The following HECW1 variants were observed in gnomAD, a reference collection of about 807,000 sequenced individuals.
HECW1 encodes HECT, C2 and WW domain containing E3 ubiquitin protein ligase 1.
A neutral mutation model predicts 182.3 loss-of-function variants in HECW1; 61 were observed. That is an observed-to-expected ratio of 0.33 (90% CI 0.27 to 0.41). The LOEUF is 0.41. Among genes scored for constraint, HECW1 ranks in the 10% least tolerant of loss-of-function variants. The pLI, the probability that HECW1 is intolerant of heterozygous loss-of-function variation, is 1.00. For missense variants in HECW1, 1,739 were observed against 2,108.9 expected, an observed-to-expected ratio of 0.82 and a Z score of 3.44; for synonymous variants, 859 against 832.6, an observed-to-expected ratio of 1.03 and a Z score of -0.55.
chr7:43,204,623 G>A (rs891295093), intron 2 of HECW1, among the ~76,000 whole-genome samples: 4 of 152,082 alleles, frequency 2.6e-5, no homozygotes, highest in Non-Finnish European at 4.4e-5. Context: ...GAGACAAGAC[G>A]GATTCTAGTC....
chr7:43,259,387 CA>C (rs36088559), intron 3 of HECW1, among the ~76,000 whole-genome samples: 27 of 137,456 alleles, frequency 2.0e-4, no homozygotes, highest in East Asian at 8.7e-4. Flanking sequence ...ACTCCATGTC[CA>C]AAAAAAAAAA....
intron 2 of HECW1, among the ~76,000 whole-genome samples, chr7:43,171,585 C>T (rs1323429683): frequency 6.6e-6 from 1 of 152,058 alleles, no homozygotes; most frequent in Non-Finnish European, 1.5e-5. Flanking sequence ...CATTTCAATA[C>T]AATAGGTTTT....
intron 11 of HECW1, 108 bp from the exon 12 acceptor site, chr7:43,450,720 C>T (rs2077206438): frequency 2.9e-6 from 2 of 699,962 alleles, no homozygotes; most frequent in South Asian, 1.6e-5. Flanking sequence ...ATGGATTTCC[C>T]ACTCTTTGGG....
At chr7:43,523,095 C>T (rs1308189968) in intron 24 of HECW1, 1 of 419,562 alleles carries the variant, frequency 2.4e-6, no homozygotes, top group South Asian at 1.8e-5. Flanking sequence ...CCTCCTCCTC[C>T]CAGGTTCAAG....
intron 8 of HECW1, among the ~76,000 whole-genome samples, chr7:43,408,644 C>T (rs1474427027): frequency 1.3e-5 from 2 of 152,062 alleles, no homozygotes; most frequent in Non-Finnish European, 1.5e-5. Context: ...TGGGATCATG[C>T]CACTGCACTC....
intron 24 of HECW1, among the ~76,000 whole-genome samples, chr7:43,531,365 C>T (rs1041811375): frequency 9.2e-5 from 14 of 152,314 alleles, no homozygotes; most frequent in African/African-American, 3.4e-4. Context: ...TACTGCATTG[C>T]TGTGTCTATC....
intron 26 of HECW1, 147 bp from the exon 27 acceptor site, chr7:43,550,298 G>A (rs2081753944): frequency 1.2e-6 from 1 of 834,386 alleles, no homozygotes; most frequent in African/African-American, 1.7e-5. Context: ...GTGACCTTTA[G>A]CAAGGAAAAA....
chr7:43,278,488 C>T (rs1321482388), intron 3 of HECW1, among the ~76,000 whole-genome samples: 1 of 152,166 alleles, frequency 6.6e-6, no homozygotes, highest in African/African-American at 2.4e-5. Flanking sequence ...CCGTTCTCAT[C>T]ACAGACCCCA....
At chr7:43,425,396 T>C (rs2076331569) in intron 8 of HECW1, among the ~76,000 whole-genome samples, 1 of 152,162 alleles carries the variant, frequency 6.6e-6, no homozygotes, top group Non-Finnish European at 1.5e-5. Context: ...GTCTTGGGCA[T>C]ATTCCATAAC....
At chr7:43,307,165 T>C (rs922761465) in intron 3 of HECW1, among the ~76,000 whole-genome samples, 1 of 152,188 alleles carries the variant, frequency 6.6e-6, no homozygotes, top group Non-Finnish European at 1.5e-5. Flanking sequence ...AGAGGCTCAC[T>C]TATCAGACCC....
At chr7:43,181,874 A>G (rs929894981) in intron 2 of HECW1, among the ~76,000 whole-genome samples, 3 of 150,328 alleles carry the variant, frequency 2.0e-5, no homozygotes, top group Non-Finnish European at 4.4e-5. Flanking sequence ...TGCAAGCTCC[A>G]CCTCCTGGGT....
At position 43,541,257 on chromosome 7, in the gene HECW1, A is replaced by G; in HGVS notation, c.4114A>G (p.Arg1372Gly). Residue 1372 changes from arginine to glycine, a missense_variant, in exon 25 of 30, where the codon AGA becomes GGA. This residue lies in a region of HECW1 where 420 missense variants were observed against 595.7 expected (regional missense o/e 0.71). Transcript: ENST00000395891. ...FTRPFYKALLRLPCDLSDLEY... is the reference protein window; with the variant it reads ...FTRPFYKALLGLPCDLSDLEY... ...GAGGCCCTTCTACAAGGCACTCCTG[A>G]GACTGTAAGTGCTTTGCAGACCATG... 6.2e-7 allele frequency: 1 copy of G among 1,612,310 alleles called. No individual in the cohort carries two copies. Among genetic ancestry groups the G allele is most frequent in the Non-Finnish European group, 8.5e-7 (1 of 1,178,412 alleles).
intron 8 of HECW1, among the ~76,000 whole-genome samples, chr7:43,422,485 C>A (rs1407947016): frequency 6.6e-6 from 1 of 151,774 alleles, no homozygotes; most frequent in African/African-American, 2.4e-5. Flanking sequence ...ACCTCAGCCT[C>A]CCGAGTAGCT....
chr7:43,445,623 G>C lies in HECW1; in HGVS notation c.2398+53G>C, dbSNP rs529670669. Reference sequence around the variant, plus strand: ...GAATAGGACCATCAGGGGGACAAAGGTGTCACCAACAGTTTAAAAACAAGA... The same window carrying C: ...GAATAGGACCATCAGGGGGACAAAGCTGTCACCAACAGTTTAAAAACAAGA... On this transcript the variant is annotated intron_variant, in intron 11 of 29. Coordinates refer to ENST00000395891, the MANE Select transcript of HECW1 (RefSeq NM_015052.5). 129 of 1,475,442 alleles carry C rather than the reference G, an allele frequency of 8.7e-5. No individual in the cohort carries two copies. In the African/African-American group the frequency reaches 1.6e-3, roughly 18 times the overall value. 91.4% of individuals were successfully genotyped at this position (1,475,442 alleles called of 1,614,324 possible).
chr7:43,436,371 G>A (rs768658974), intron 8 of HECW1, among the ~76,000 whole-genome samples: 6 of 151,898 alleles, frequency 4.0e-5, no homozygotes, highest in Non-Finnish European at 8.8e-5. Context: ...TAATTTTCAC[G>A]TGTGTTCATG....
At chr7:43,518,214 G>T (rs888876013) in intron 24 of HECW1, among the ~76,000 whole-genome samples, 4 of 152,066 alleles carry the variant, frequency 2.6e-5, no homozygotes, top group Admixed American at 6.6e-5. Context: ...GAAAAGAAAG[G>T]CCGGGCACAG....
At chr7:43,222,845 G>T (rs1409497520) in intron 2 of HECW1, among the ~76,000 whole-genome samples, 2 of 151,986 alleles carry the variant, frequency 1.3e-5, no homozygotes, top group Non-Finnish European at 2.9e-5. Flanking sequence ...CTTCTCTCCT[G>T]TCTCCACTCC....
At chr7:43,527,480 C>T (rs1462602914) in intron 24 of HECW1, among the ~76,000 whole-genome samples, 2 of 152,144 alleles carry the variant, frequency 1.3e-5, no homozygotes, top group African/African-American at 4.8e-5. Flanking sequence ...GCCTTCTCAT[C>T]GGTTCCTGTG....
rs2152884306 is a variant in HECW1 at position 43,450,879 on chromosome 7, T to C, written c.2450T>C (p.Leu817Pro). Residue 817 changes from leucine to proline, a missense_variant, in exon 12 of 30, where the codon CTG (leucine) becomes CCG (proline). Physicochemically the swap from Leu to Pro is moderately conservative, Grantham distance 98. Transcript: ENST00000395891. ...CAGCCAGTAAGCCAGCTTCCTTCCC[T>C]GAGGCCTGAACATCATCACTACCCA... Reference protein sequence around the residue: ...NSQPVSQLPSLRPEHHHYPTI... With the variant: ...NSQPVSQLPSPRPEHHHYPTI... 6.2e-7 allele frequency: 1 copy of C among 1,613,724 alleles called. No homozygotes were observed. Among genetic ancestry groups the C allele is most frequent in the Non-Finnish European group, 8.5e-7 (1 of 1,179,622 alleles).
Sources: allele counts gnomAD v4.1 joint callset (sites outside exome capture counted in the v4.1 genomes callset), GRCh38; gene constraint gnomAD v4.1.1; regional missense constraint gnomAD v4.1.1; transcripts MANE v1.5; gene names NCBI Gene and HGNC (gene_info 2026-07-23, HGNC 2026-07-21).